TMEM114: variants seen among roughly 807,000 people sequenced by gnomAD.
TMEM114 encodes claudin-26.
In TMEM114, 6 loss-of-function variants were observed where a neutral mutation model predicts 6.2. The ratio of observed to expected loss-of-function variants is 0.97; its 90% CI spans 0.53 to 1.91. TMEM114 has a LOEUF of 1.91. Ranked by LOEUF, TMEM114 falls within the 40% of genes most tolerant of loss-of-function variation. The pLI is 0.01. For synonymous variants in TMEM114, 104 were observed against 73.0 expected (o/e 1.42, Z -2.16); for missense variants, 218 against 158.3 (o/e 1.38, Z -2.02).
intron 2 of TMEM114, among the ~76,000 whole-genome samples, chr16:8,561,843 A>AG (rs1901217467): frequency 6.6e-6 from 1 of 150,740 alleles, no homozygotes; most frequent in African/African-American, 2.5e-5. Flanking sequence ...TGAATGAGTG[A>AG]GTGAATGAAT....
At position 8,588,876 on chromosome 16, in the gene TMEM114, C is replaced by CGCTG. The variant is rs1331745479; in HGVS notation, c.301+333_301+336dup. ...GGGGCTTCCCACCTTCCCTTCCTCA[C>CGCTG]GCTGCTGGACTCTAACTGCGCGTCT... is the stretch of plus-strand genomic sequence containing the variant. On this transcript the variant is annotated intron_variant, in intron 2 of 3. Coordinates refer to ENST00000620492, the MANE Select transcript of TMEM114 (RefSeq NM_001146336.2). Among the ~76,000 whole-genome samples, 30 of 152,352 alleles carry CGCTG rather than the reference C, an allele frequency of 2.0e-4. 1 individual carries two copies. The highest frequency in any genetic ancestry group is 2.2e-4 in the Non-Finnish European group (15 of 68,030).
chr16:8,535,010 C>G (rs1900316040), downstream of TMEM114, among the ~76,000 whole-genome samples: 4 of 152,138 alleles, frequency 2.6e-5, no homozygotes, highest in African/African-American at 9.7e-5. Context: ...CTCCTAACGT[C>G]AAGACTCGCT....
intron 2 of TMEM114, among the ~76,000 whole-genome samples, chr16:8,587,862 G>A (rs1176894725): frequency 6.6e-6 from 1 of 151,520 alleles, no homozygotes; most frequent in African/African-American, 2.4e-5. Flanking sequence ...TTGAGTGGAG[G>A]GAGAAGGCCA....
At chr16:8,559,953 G>A (rs937135464) in intron 2 of TMEM114, among the ~76,000 whole-genome samples, 2 of 152,106 alleles carry the variant, frequency 1.3e-5, no homozygotes, top group African/African-American at 4.8e-5. Flanking sequence ...TCAGAAGACC[G>A]GGCTTTGCGT....
chr16:8,563,336 A>C (rs1901354756), intron 2 of TMEM114, among the ~76,000 whole-genome samples: 1 of 150,548 alleles, frequency 6.6e-6, no homozygotes, highest in Non-Finnish European at 1.5e-5. Context: ...TGAGTGAGTG[A>C]ATGAGTGAGT....
chr16:8,551,033 C>T lies in TMEM114; in HGVS notation n.213-13207G>A, dbSNP rs560917141. 3.9e-4 allele frequency among the ~76,000 whole-genome samples: 59 copies of T among 152,202 alleles called. 1 individual carries two copies. Among genetic ancestry groups the T allele is most frequent in the South Asian group, 2.1e-4 (1 of 4,830 alleles). The stretch of plus-strand genomic sequence containing the variant: ...CGAGTTCAAAGTCTAGCAAAGGTGA[C>T]AGAGGTCTCCCGCCATCCTGTTCGC... On this transcript the variant is annotated intron_variant and non_coding_transcript_variant, in intron 2 of 2. Transcript: ENST00000623677.
At chr16:8,565,125 G>C (rs917614154), downstream of TMEM114, among the ~76,000 whole-genome samples, 2 of 147,364 alleles carry the variant, frequency 1.4e-5, no homozygotes, top group African/African-American at 5.0e-5. Flanking sequence ...GAGTGAGTGG[G>C]TAAGCAAATG....
At chr16:8,575,233 A>C (rs1901879661) in intron 2 of TMEM114, among the ~76,000 whole-genome samples, 1 of 152,232 alleles carries the variant, frequency 6.6e-6, no homozygotes, top group East Asian at 1.9e-4. Context: ...CCTCATTGGC[A>C]AAATAAGAGT....
At chr16:8,560,772 G>C (rs1046369103) in intron 2 of TMEM114, among the ~76,000 whole-genome samples, 3 of 152,178 alleles carry the variant, frequency 2.0e-5, no homozygotes. Context: ...CAGCCCCAAC[G>C]TTCACCTCCA....
downstream of TMEM114, among the ~76,000 whole-genome samples, chr16:8,534,397 T>C (rs974717368): frequency 2.0e-5 from 3 of 152,050 alleles, no homozygotes; most frequent in African/African-American, 7.2e-5. Flanking sequence ...CTATCACTTA[T>C]CATACTCCTA....
At chr16:8,542,863 C>T (rs984095314) in intron 2 of TMEM114, among the ~76,000 whole-genome samples, 1 of 152,140 alleles carries the variant, frequency 6.6e-6, no homozygotes, top group Non-Finnish European at 1.5e-5. Context: ...CAAACGTAGT[C>T]TTCTTAGGCC....
chr16:8,561,236 T>C (rs572476416), intron 2 of TMEM114, among the ~76,000 whole-genome samples: 5 of 152,232 alleles, frequency 3.3e-5, no homozygotes, highest in Non-Finnish European at 7.3e-5. Flanking sequence ...CCCTTGCCTA[T>C]AGCACAGTCT....
chr16:8,563,516 AGT>A (rs1327825562), intron 2 of TMEM114, among the ~76,000 whole-genome samples: 4 of 151,094 alleles, frequency 2.6e-5, no homozygotes, highest in African/African-American at 9.8e-5. Context: ...GGAGGAAAAG[AGT>A]GAGTGAATGA....
At chr16:8,560,364 C>T (rs781471275) in intron 2 of TMEM114, among the ~76,000 whole-genome samples, 31 of 151,880 alleles carry the variant, frequency 2.0e-4, no homozygotes, top group Non-Finnish European at 3.4e-4. Flanking sequence ...TCAGTGGGAG[C>T]GAGGGTGGGC....
At chr16:8,546,214 C>T (rs756218092) in intron 2 of TMEM114, among the ~76,000 whole-genome samples, 2 of 152,158 alleles carry the variant, frequency 1.3e-5, no homozygotes, top group Non-Finnish European at 2.9e-5. Flanking sequence ...ACATGCACCA[C>T]GATGTTTCAG....
At chr16:8,531,352 C>G in the TMEM114 span, among the ~76,000 whole-genome samples, 1 of 152,146 alleles carries the variant, frequency 6.6e-6, no homozygotes. Flanking sequence ...TGCCTAAAAC[C>G]ACAACACATA....
At chr16:8,577,864 G>C (rs1383230444) in intron 2 of TMEM114, among the ~76,000 whole-genome samples, 2 of 152,180 alleles carry the variant, frequency 1.3e-5, no homozygotes, top group Admixed American at 1.3e-4. Context: ...GGAGATTACA[G>C]GCATGCCACC....
At chr16:8,529,392 C>T in the TMEM114 span, among the ~76,000 whole-genome samples, 1 of 152,156 alleles carries the variant, frequency 6.6e-6, no homozygotes, top group Non-Finnish European at 1.5e-5. Context: ...AATGGCTCTT[C>T]CTTGTCGCTG....
intron 2 of TMEM114, among the ~76,000 whole-genome samples, chr16:8,543,412 C>G (rs868646673): frequency 6.6e-6 from 1 of 151,960 alleles, no homozygotes; most frequent in African/African-American, 2.4e-5. Flanking sequence ...CTTTCCCTAC[C>G]TACCAAGTGC....
Sources: allele counts gnomAD v4.1 joint callset (sites outside exome capture counted in the v4.1 genomes callset), GRCh38; gene constraint gnomAD v4.1.1; transcripts MANE v1.5; gene names NCBI Gene and HGNC (gene_info 2026-07-23, HGNC 2026-07-21).